Variants in NAALADL2 observed in about 807,000 individuals in gnomAD.
The protein encoded by NAALADL2 is inactive N-acetylated-alpha-linked acidic dipeptidase-like protein 2.
NAALADL2 carries 76 observed loss-of-function variants against 87.2 expected under a neutral mutation model. The observed-to-expected ratio is 0.87, with a 90% CI of 0.72 to 1.05. The LOEUF is 1.05. Among genes scored for constraint, NAALADL2 ranks in the 50% least tolerant of loss-of-function variants. The pLI, the probability that NAALADL2 is intolerant of heterozygous loss-of-function variation, is 0.00. For missense variants in NAALADL2, 1,089 were observed against 945.8 expected (o/e 1.15, Z -1.99); for synonymous variants, 354 against 331.0 (o/e 1.07, Z -0.75).
chr3:175,482,122 A>T (rs2149321627), intron 9 of NAALADL2, among the ~76,000 whole-genome samples: 1 of 152,128 alleles, frequency 6.6e-6, no homozygotes, highest in Admixed American at 6.6e-5. Context: ...AGAAACTAAA[A>T]TATACTTATC....
At chr3:175,345,778 G>A (rs1028171373) in intron 5 of NAALADL2, among the ~76,000 whole-genome samples, 6 of 152,098 alleles carry the variant, frequency 3.9e-5, no homozygotes, top group Non-Finnish European at 8.8e-5. Context: ...ATTGTCAATA[G>A]GATGTTTAAT....
chr3:174,790,202 T>C (rs901290674), intron 3 of NAALADL2, among the ~76,000 whole-genome samples: 1 of 152,162 alleles, frequency 6.6e-6, no homozygotes, highest in Non-Finnish European at 1.5e-5. Flanking sequence ...AGAGTCAAGA[T>C]CGGGGAATCT....
At chr3:175,065,773 ACT>A (rs1714429070) in intron 1 of NAALADL2, among the ~76,000 whole-genome samples, 1 of 152,234 alleles carries the variant, frequency 6.6e-6, no homozygotes, top group Non-Finnish European at 1.5e-5. Flanking sequence ...AGGAAACTGC[ACT>A]GTTATAAACC....
chr3:174,833,856 A>T (rs1204766616), intron 3 of NAALADL2, among the ~76,000 whole-genome samples: 2 of 150,836 alleles, frequency 1.3e-5, no homozygotes, highest in Non-Finnish European at 3.0e-5. Context: ...TTTAATGCCC[A>T]TTTATCATAT....
intron 2 of NAALADL2, among the ~76,000 whole-genome samples, chr3:174,731,210 C>T (rs1732674682): frequency 6.6e-6 from 1 of 152,084 alleles, no homozygotes; most frequent in Admixed American, 6.6e-5. Flanking sequence ...TGCAATGCTG[C>T]CTCTCCTGTG....
chr3:174,605,393 C>A (rs1433555167), intron 2 of NAALADL2, among the ~76,000 whole-genome samples: 1 of 152,186 alleles, frequency 6.6e-6, no homozygotes, highest in African/African-American at 2.4e-5. Flanking sequence ...CACAAGGGGT[C>A]AGGGAGTTCC....
At chr3:175,048,119 T>C (rs1431966511) in intron 1 of NAALADL2, among the ~76,000 whole-genome samples, 1 of 152,182 alleles carries the variant, frequency 6.6e-6, no homozygotes, top group Non-Finnish European at 1.5e-5. Context: ...AAATAAAAAG[T>C]AATTGAAAGC....
At chr3:175,563,827 T>C (rs62288395) in intron 9 of NAALADL2, among the ~76,000 whole-genome samples, 19,687 of 152,142 alleles carry the variant, frequency 0.13, 1,375 homozygotes, top group Middle Eastern at 0.17. Flanking sequence ...AGGATTAGCA[T>C]TGGGGTGTGA....
At chr3:175,201,486 G>A (rs2109153472) in intron 2 of NAALADL2, among the ~76,000 whole-genome samples, 1 of 152,082 alleles carries the variant, frequency 6.6e-6, no homozygotes, top group South Asian at 2.1e-4. Flanking sequence ...CATATCATGA[G>A]CCCCATGGAA....
intron 2 of NAALADL2, among the ~76,000 whole-genome samples, chr3:174,654,060 TTGTG>T (rs137877260): frequency 0.061 from 8,771 of 143,964 alleles, 497 homozygotes; most frequent in African/African-American, 0.14. Flanking sequence ...TAAGATGGCT[TTGTG>T]TGTGTGTGTG....
At chr3:175,632,233 T>C (rs188637663) in intron 11 of NAALADL2, among the ~76,000 whole-genome samples, 1 of 151,770 alleles carries the variant, frequency 6.6e-6, no homozygotes, top group East Asian at 2.0e-4. Flanking sequence ...TCTCACAATA[T>C]CTGATGGTTT....
chr3:174,766,686 T>G (rs1488255066), intron 3 of NAALADL2, among the ~76,000 whole-genome samples: 1 of 152,090 alleles, frequency 6.6e-6, no homozygotes, highest in Non-Finnish European at 1.5e-5. Flanking sequence ...TCTTTTTATC[T>G]GTTGTAGATT....
At chr3:175,793,584 G>A (rs191633574) in intron 13 of NAALADL2, among the ~76,000 whole-genome samples, 2 of 151,846 alleles carry the variant, frequency 1.3e-5, no homozygotes, top group East Asian at 3.9e-4. Flanking sequence ...TGAAGTGCTG[G>A]GATTACAGGC....
chr3:175,648,124 C>A (rs1730263520), intron 11 of NAALADL2, among the ~76,000 whole-genome samples: 1 of 152,126 alleles, frequency 6.6e-6, no homozygotes. Context: ...GAAAATAGTA[C>A]AATTGGACCC....
At chr3:175,064,028 G>T (rs971472703) in intron 1 of NAALADL2, among the ~76,000 whole-genome samples, 6 of 152,040 alleles carry the variant, frequency 3.9e-5, no homozygotes, top group African/African-American at 1.4e-4. Flanking sequence ...AAAACAATGT[G>T]AAGTTCAGAA....
chr3:175,495,073 C>CATATATATATATATATATAT (rs372953738), intron 9 of NAALADL2, among the ~76,000 whole-genome samples: 1 of 126,182 alleles, frequency 7.9e-6, no homozygotes, highest in African/African-American at 3.1e-5. Flanking sequence ...TAAGCAATCC[C>CATATATATATATATATATAT]ATATATATAT....
intron 3 of NAALADL2, among the ~76,000 whole-genome samples, chr3:174,839,828 TAAAAA>T (rs530750377): frequency 1.4e-5 from 2 of 146,880 alleles, no homozygotes; most frequent in South Asian, 2.1e-4. Flanking sequence ...ATGGCCATAA[TAAAAA>T]AAAAATAATA....
At chr3:174,710,120 A>C (rs1037614383) in intron 2 of NAALADL2, among the ~76,000 whole-genome samples, 4 of 151,936 alleles carry the variant, frequency 2.6e-5, no homozygotes, top group Non-Finnish European at 5.9e-5. Context: ...TTAAACTTGA[A>C]TCTAGGTACT....
At chr3:175,012,274 C>T (rs141030843) in intron 1 of NAALADL2, among the ~76,000 whole-genome samples, 73 of 152,258 alleles carry the variant, frequency 4.8e-4, no homozygotes, top group African/African-American at 1.7e-3. Context: ...AAGGGATTCT[C>T]CTGCCTCAGC....
Sources: gnomAD v4.1 joint callset for allele counts (sites outside exome capture counted in the v4.1 genomes callset) on GRCh38, gnomAD v4.1.1 for gene constraint, MANE v1.5 for transcripts, NCBI Gene and HGNC (gene_info 2026-07-23, HGNC 2026-07-21) for gene names.